Variants in PIP4K2A observed in about 807,000 individuals in gnomAD.
The protein encoded by PIP4K2A is phosphatidylinositol 5-phosphate 4-kinase type-2 alpha.
Under a neutral mutation model 42.9 loss-of-function variants are expected in PIP4K2A, and 14 were observed. That is an observed-to-expected ratio of 0.33 (90% CI 0.22 to 0.51). The LOEUF is 0.51. PIP4K2A is among the 20% of genes least tolerant of loss of function. The probability of loss-of-function intolerance (pLI) is 0.97; values close to 1 mark genes in which losing one functional copy is unlikely to be tolerated. For synonymous variants in PIP4K2A, 192 were observed against 192.2 expected, an observed-to-expected ratio of 1.00 and a Z score of 0.01; for missense variants, 434 against 519.8, an observed-to-expected ratio of 0.83 and a Z score of 1.61.
At chr10:22,679,565 G>A (rs149890221) in intron 1 of PIP4K2A, among the ~76,000 whole-genome samples, 40 of 152,172 alleles carry the variant, frequency 2.6e-4, no homozygotes, top group African/African-American at 9.6e-4. Flanking sequence ...TATGTACCCA[G>A]GAAAAATAAA....
intron 1 of PIP4K2A, among the ~76,000 whole-genome samples, chr10:22,671,153 T>C (rs1312090573): frequency 6.6e-6 from 1 of 152,200 alleles, no homozygotes; most frequent in African/African-American, 2.4e-5. Context: ...CACATATATA[T>C]ATACCTTTAC....
chr10:22,703,518 G>A (rs773981851), intron 1 of PIP4K2A, among the ~76,000 whole-genome samples: 2 of 152,234 alleles, frequency 1.3e-5, no homozygotes, highest in African/African-American at 2.4e-5. Context: ...CAGAAAAAGC[G>A]CAGGGCAGCT....
chr10:22,714,214 A>C lies in PIP4K2A; in HGVS notation c.113T>G (p.Leu38Arg). The change falls in exon 1 of 10, where the codon CTC (leucine) becomes CGC (arginine). Residue 38 changes from leucine to arginine, a missense_variant. By Grantham distance (102) the Leu-to-Arg change is moderately radical. This residue lies in a region of PIP4K2A where 395 missense variants were observed against 444.5 expected (regional missense o/e 0.89). Coordinates refer to ENST00000376573, the MANE Select transcript of PIP4K2A (RefSeq NM_005028.5). ...VKLFRASDPL[L>R]SVLMWGVNHS... ...GTTTACCCCCCACATGAGGACGCTG[A>C]GCAGCGGGTCGCTGGCCCGAAACAG... 1 of 1,611,754 alleles carries C rather than the reference A, an allele frequency of 6.2e-7. No individual in the cohort carries two copies. Among genetic ancestry groups the C allele is most frequent in the Non-Finnish European group, 8.5e-7 (1 of 1,178,790 alleles).
At chr10:22,567,673 G>A (rs766055884) in intron 6 of PIP4K2A, 178 bp downstream of exon 6, 34 of 760,254 alleles carry the variant, frequency 4.5e-5, no homozygotes, top group Non-Finnish European at 6.1e-5. Context: ...ATTTGATGAA[G>A]AGAAATGAAG....
intron 4 of PIP4K2A, among the ~76,000 whole-genome samples, chr10:22,574,607 G>A (rs955949847): frequency 6.6e-6 from 1 of 152,092 alleles, no homozygotes; most frequent in Non-Finnish European, 1.5e-5. Flanking sequence ...AAGATAAACA[G>A]CATTGGTACT....
Position 22,607,970 on chromosome 10 carries a change from C to T in PIP4K2A, c.296G>A (p.Arg99His), listed in dbSNP as rs771178304. 1.7e-5 allele frequency: 28 copies of T among 1,613,146 alleles called. No homozygotes were observed. Among genetic ancestry groups the T allele is most frequent in the African/African-American group, 9.3e-5 (7 of 74,876 alleles). The change falls in exon 3 of 10, where the codon CGT becomes CAT. Residue 99 changes from arginine to histidine, a missense_variant. Transcript: ENST00000376573. ...AATTCCAAACCTCTCCCGCAGGTTA[C>T]GGAAGACCATCGGGCAGTATTCCTT... ...KFKEYCPMVF[R>H]NLRERFGIDD...
intron 1 of PIP4K2A, among the ~76,000 whole-genome samples, chr10:22,699,727 T>C (rs74399502): frequency 0.1 from 15,567 of 152,180 alleles, 892 homozygotes; most frequent in Middle Eastern, 0.21. Flanking sequence ...CCTGGGCATA[T>C]AGTTGTTCAA....
intron 3 of PIP4K2A, among the ~76,000 whole-genome samples, chr10:22,598,343 C>T (rs1304637106): frequency 6.6e-6 from 1 of 152,100 alleles, no homozygotes; most frequent in Non-Finnish European, 1.5e-5. Context: ...AGTTGACAGA[C>T]AGAGACTCTG....
At chr10:22,643,297 A>G (rs1265698586) in intron 1 of PIP4K2A, among the ~76,000 whole-genome samples, 1 of 152,208 alleles carries the variant, frequency 6.6e-6, no homozygotes. Context: ...ATTGGAACAG[A>G]GCCAGGCCCA....
intron 3 of PIP4K2A, among the ~76,000 whole-genome samples, chr10:22,598,944 C>CT (rs1199636820): frequency 6.6e-6 from 1 of 151,836 alleles, no homozygotes; most frequent in African/African-American, 2.4e-5. Context: ...TTGATAGTTT[C>CT]ATATTATAAA....
chr10:22,707,698 G>A (rs944453124), intron 1 of PIP4K2A, among the ~76,000 whole-genome samples: 3 of 152,142 alleles, frequency 2.0e-5, no homozygotes, highest in African/African-American at 7.2e-5. Flanking sequence ...TGACCCAGGC[G>A]GGTAATCAAT....
intron 1 of PIP4K2A, among the ~76,000 whole-genome samples, chr10:22,690,042 A>G (rs1216894519): frequency 6.6e-6 from 1 of 152,222 alleles, no homozygotes; most frequent in Non-Finnish European, 1.5e-5. Context: ...ATAATTAAGT[A>G]TTTCTCAAAA....
chr10:22,547,894 G>T (rs1278781912), intron 7 of PIP4K2A, among the ~76,000 whole-genome samples: 1 of 152,136 alleles, frequency 6.6e-6, no homozygotes, highest in Non-Finnish European at 1.5e-5. Context: ...AATAGAACAG[G>T]GCTGCTGTTA....
chr10:22,626,257 TAA>T (rs370242770), intron 1 of PIP4K2A, among the ~76,000 whole-genome samples: 2 of 151,426 alleles, frequency 1.3e-5, no homozygotes, highest in Admixed American at 6.6e-5. Context: ...ATATTCTGCT[TAA>T]AAAAAAAGAG....
intron 2 of PIP4K2A, among the ~76,000 whole-genome samples, chr10:22,608,846 C>G (rs561430532): frequency 1.3e-5 from 2 of 152,292 alleles, no homozygotes; most frequent in South Asian, 2.1e-4. Context: ...CACTGCACAC[C>G]AGCCTGAGCA....
intron 6 of PIP4K2A, among the ~76,000 whole-genome samples, chr10:22,561,380 A>G (rs1486087031): frequency 1.3e-5 from 2 of 152,160 alleles, no homozygotes; most frequent in African/African-American, 2.4e-5. Context: ...TCAAGCTACA[A>G]TCTAAGAAAT....
chr10:22,654,797 A>G (rs1488256956), intron 1 of PIP4K2A, among the ~76,000 whole-genome samples: 1 of 152,130 alleles, frequency 6.6e-6, no homozygotes, highest in Non-Finnish European at 1.5e-5. Context: ...GCTATATCTC[A>G]AGGCAGCAAA....
chr10:22,569,163 A>G, intron 5 of PIP4K2A: 1 of 795,730 alleles, frequency 1.3e-6, no homozygotes, highest in Non-Finnish European at 2.1e-6. Context: ...AACGGAAGAG[A>G]CTCCTCACAT....
At chr10:22,572,604 CA>C (rs56245813) in intron 5 of PIP4K2A, among the ~76,000 whole-genome samples, 4 of 145,448 alleles carry the variant, frequency 2.8e-5, no homozygotes, top group African/African-American at 5.1e-5. Flanking sequence ...GACTCTTTCT[CA>C]AAAAAAAAAG....
Sources: gnomAD v4.1 joint callset for allele counts (sites outside exome capture counted in the v4.1 genomes callset) on GRCh38, gnomAD v4.1.1 for gene constraint, gnomAD v4.1.1 regional missense constraint, MANE v1.5 for transcripts, NCBI Gene and HGNC (gene_info 2026-07-23, HGNC 2026-07-21) for gene names.